The following TIAM1 variants were observed in gnomAD, a reference collection of about 807,000 sequenced individuals.
TIAM1 encodes rho guanine nucleotide exchange factor TIAM1.
Under a neutral mutation model 163.5 loss-of-function variants are expected in TIAM1, and 65 were observed. The observed-to-expected ratio is 0.40, with a 90% CI of 0.33 to 0.49. TIAM1 has a LOEUF of 0.49. Among genes scored for constraint, TIAM1 ranks in the 20% least tolerant of loss-of-function variants. TIAM1 has a pLI of 0.77. For synonymous variants in TIAM1, 833 were observed against 810.1 expected (o/e 1.03, Z -0.48); for missense variants, 1,789 against 2,044.7 (o/e 0.87, Z 2.41).
At chr21:31,412,784 T>TAA (rs77221722) in intron 2 of TIAM1, among the ~76,000 whole-genome samples, 3,577 of 103,380 alleles carry the variant, frequency 0.035, 91 homozygotes, top group African/African-American at 0.069. Context: ...TGTCTCAGGT[T>TAA]AAAAAAAAAA....
chr21:31,413,244 T>TTTTTC (rs1315859084), intron 2 of TIAM1, among the ~76,000 whole-genome samples: 17 of 149,426 alleles, frequency 1.1e-4, no homozygotes, highest in South Asian at 2.1e-4. Flanking sequence ...GCGTATTTCT[T>TTTTTC]TTTTCTTTTC....
Position 31,123,310 on chromosome 21 carries a change from A to G in TIAM1, c.4306+1212T>C, listed in dbSNP as rs924877150. Among the ~76,000 whole-genome samples, 8 of 152,226 alleles carry G rather than the reference A, an allele frequency of 5.3e-5. No individual in the cohort carries two copies. The East Asian group carries it at 7.7e-4, about 15-fold the overall frequency. ...TTTCCCTAGCAAACAAGAGGGGCAGATAAGACAAATCCAAGATAAAAATCT... is the reference window on the plus strand; with the variant it reads ...TTTCCCTAGCAAACAAGAGGGGCAGGTAAGACAAATCCAAGATAAAAATCT... On this transcript the variant is annotated intron_variant, in intron 27 of 27. Coordinates refer to ENST00000541036, the MANE Select transcript of TIAM1 (RefSeq NM_001353694.2).
intron 1 of TIAM1, among the ~76,000 whole-genome samples, chr21:31,499,701 T>C (rs2046785160): frequency 6.6e-6 from 1 of 151,602 alleles, no homozygotes; most frequent in African/African-American, 2.4e-5. Flanking sequence ...AATACAAAAA[T>C]TAGCCAGGTG....
At chr21:31,481,484 A>T (rs898769069) in intron 1 of TIAM1, among the ~76,000 whole-genome samples, 1 of 152,178 alleles carries the variant, frequency 6.6e-6, no homozygotes, top group Non-Finnish European at 1.5e-5. Flanking sequence ...TTAAGGGCTC[A>T]GTCCCACAAG....
chr21:31,305,416 T>TAAA lies in TIAM1; in HGVS notation c.-188-28511_-188-28509dup, dbSNP rs1242158906. 6.4e-4 allele frequency among the ~76,000 whole-genome samples: 76 copies of TAAA among 117,928 alleles called. 1 individual carries two copies. The highest frequency in any genetic ancestry group is 2.0e-3 in the African/African-American group (58 of 29,268). The allele number at this position is 117,928 out of a possible 152,430, so 77.4% of individuals were successfully genotyped here. On this transcript the variant is annotated intron_variant, in intron 2 of 27. Coordinates refer to ENST00000541036, the MANE Select transcript of TIAM1 (RefSeq NM_001353694.2). Reference sequence around the variant, plus strand: ...GGAGCGATGGGCATTAACTCTGAAATAAAAATAAAAAAAAAAAAAAAACAG... The same window carrying TAAA: ...GGAGCGATGGGCATTAACTCTGAAATAAAAAAAATAAAAAAAAAAAAAAAACAG...
At chr21:31,322,026 T>C (rs922652406) in intron 2 of TIAM1, among the ~76,000 whole-genome samples, 25 of 151,770 alleles carry the variant, frequency 1.6e-4, no homozygotes, top group Non-Finnish European at 5.9e-5. Context: ...TGCATGAGAC[T>C]CCATATCAAA....
At chr21:31,468,214 G>A (rs1224853193) in intron 1 of TIAM1, among the ~76,000 whole-genome samples, 6 of 152,044 alleles carry the variant, frequency 3.9e-5, no homozygotes, top group East Asian at 1.9e-4. Context: ...AGTGGCTCAC[G>A]CATGTAATCC....
At chr21:31,265,271 GT>G in intron 4 of TIAM1, among the ~76,000 whole-genome samples, 1 of 130,680 alleles carries the variant, frequency 7.7e-6, no homozygotes, top group Non-Finnish European at 1.6e-5. Context: ...AAGTCTCTTA[GT>G]TTCCTCCCCA....
At chr21:31,333,310 C>T (rs1027379839) in intron 2 of TIAM1, among the ~76,000 whole-genome samples, 18 of 152,170 alleles carry the variant, frequency 1.2e-4, no homozygotes, top group African/African-American at 4.3e-4. Flanking sequence ...ATTAACAGCT[C>T]ATTGGATTAC....
chr21:31,447,813 T>C (rs1337450241), intron 2 of TIAM1, among the ~76,000 whole-genome samples: 3 of 152,228 alleles, frequency 2.0e-5, no homozygotes, highest in Admixed American at 2.0e-4. Context: ...TGTATATATC[T>C]GCATGAAGAG....
At chr21:31,347,737 C>T (rs1224676927), upstream of TIAM1, among the ~76,000 whole-genome samples, 4 of 152,106 alleles carry the variant, frequency 2.6e-5, no homozygotes, top group Non-Finnish European at 4.4e-5. Flanking sequence ...GATGCATGCA[C>T]GGACGTTCAG....
chr21:31,541,208 T>A (rs2048314239), intron 1 of TIAM1, among the ~76,000 whole-genome samples: 1 of 152,092 alleles, frequency 6.6e-6, no homozygotes. Flanking sequence ...CTTAATCCCA[T>A]CACTTTGGGA....
intron 1 of TIAM1, among the ~76,000 whole-genome samples, chr21:31,504,543 G>A (rs1440860897): frequency 7.9e-5 from 12 of 152,088 alleles, no homozygotes; most frequent in Non-Finnish European, 1.8e-4. Flanking sequence ...TCCTCTGTTA[G>A]ATCTGAAAAG....
At chr21:31,186,102 T>C (rs1727878805) in intron 14 of TIAM1, among the ~76,000 whole-genome samples, 1 of 152,180 alleles carries the variant, frequency 6.6e-6, no homozygotes, top group African/African-American at 2.4e-5. Flanking sequence ...TTGCAAAGAC[T>C]TTCCAGGGGT....
At chr21:31,319,374 G>A (rs2147021209) in intron 2 of TIAM1, among the ~76,000 whole-genome samples, 1 of 152,178 alleles carries the variant, frequency 6.6e-6, no homozygotes, top group East Asian at 1.9e-4. Flanking sequence ...GGAGGAAGCA[G>A]TAAATTCTTT....
chr21:31,226,030 A>G, intron 6 of TIAM1, 80 bp from the exon 7 acceptor site: 4 of 1,303,738 alleles, frequency 3.1e-6, no homozygotes, highest in Non-Finnish European at 4.3e-6. Context: ...TTTCCAGAGA[A>G]GCAATGCCTG....
chr21:31,429,073 C>T (rs2043903487), intron 2 of TIAM1, among the ~76,000 whole-genome samples: 3 of 151,132 alleles, frequency 2.0e-5, no homozygotes, highest in African/African-American at 4.9e-5. Context: ...GATCATGCCT[C>T]ACTGCAACCT....
At chr21:31,291,705 T>C (rs984944986) in intron 2 of TIAM1, among the ~76,000 whole-genome samples, 6 of 152,222 alleles carry the variant, frequency 3.9e-5, no homozygotes, top group African/African-American at 1.4e-4. Flanking sequence ...GTATTTTTAG[T>C]TGAGAAAGAG....
At chr21:31,548,859 A>T (rs2048589583) in intron 1 of TIAM1, among the ~76,000 whole-genome samples, 1 of 152,136 alleles carries the variant, frequency 6.6e-6, no homozygotes, top group Non-Finnish European at 1.5e-5. Flanking sequence ...GAGGATGTTC[A>T]GCAGCATCAT....
Sources: gnomAD v4.1 joint callset for allele counts (sites outside exome capture counted in the v4.1 genomes callset) on GRCh38, gnomAD v4.1.1 for gene constraint, MANE v1.5 for transcripts, NCBI Gene and HGNC (gene_info 2026-07-23, HGNC 2026-07-21) for gene names.